The following TBC1D22A variants were observed in gnomAD, a reference collection of about 807,000 sequenced individuals.
The protein encoded by TBC1D22A is putative GTPase activator.
In TBC1D22A, 38 loss-of-function variants were observed where a neutral mutation model predicts 60.2. That is an observed-to-expected ratio of 0.63 (90% CI 0.49 to 0.83). The LOEUF (loss-of-function observed/expected upper bound fraction) is 0.83, where lower values mean the gene tolerates loss of function less well. Ranked by LOEUF, TBC1D22A falls within the 40% of genes least tolerant of loss-of-function variation. The pLI is 0.00. For missense variants in TBC1D22A, 628 were observed against 701.0 expected (o/e 0.90, Z 1.18); for synonymous variants, 302 against 281.7 (o/e 1.07, Z -0.72).
chr22:46,857,497 G>A (rs1351341227), intron 4 of TBC1D22A, among the ~76,000 whole-genome samples: 1 of 152,198 alleles, frequency 6.6e-6, no homozygotes, highest in Non-Finnish European at 1.5e-5. Context: ...CATCTTTACT[G>A]AGATGTAATT....
chr22:46,788,577 A>AC (rs371671374), intron 1 of TBC1D22A, among the ~76,000 whole-genome samples: 1,531 of 152,046 alleles, frequency 0.01, 23 homozygotes, highest in African/African-American at 0.035. Context: ...CCCCACTGGG[A>AC]CCCGCCTGTG....
At chr22:47,121,134 T>C (rs1279042784) in intron 12 of TBC1D22A, among the ~76,000 whole-genome samples, 1 of 152,248 alleles carries the variant, frequency 6.6e-6, no homozygotes, top group Non-Finnish European at 1.5e-5. Flanking sequence ...TATGTAGCTA[T>C]CCAGAAAATG....
At chr22:46,879,994 A>G (rs182197714) in intron 5 of TBC1D22A, among the ~76,000 whole-genome samples, 1 of 152,324 alleles carries the variant, frequency 6.6e-6, no homozygotes, top group East Asian at 1.9e-4. Context: ...TGTGGACAGG[A>G]GGGCAGGTGG....
At chr22:46,865,391 A>G (rs1160378910) in intron 4 of TBC1D22A, among the ~76,000 whole-genome samples, 1 of 152,198 alleles carries the variant, frequency 6.6e-6, no homozygotes, top group Admixed American at 6.5e-5. Flanking sequence ...TATTTTACAA[A>G]GTCATCTATG....
chr22:46,989,410 C>T (rs778732099), intron 9 of TBC1D22A, among the ~76,000 whole-genome samples: 2 of 152,008 alleles, frequency 1.3e-5, no homozygotes, highest in Non-Finnish European at 2.9e-5. Context: ...CCTCACCAAG[C>T]GTAATCTTTC....
chr22:46,816,623 G>A (rs2085612464), intron 4 of TBC1D22A, among the ~76,000 whole-genome samples: 1 of 152,202 alleles, frequency 6.6e-6, no homozygotes, highest in South Asian at 2.1e-4. Flanking sequence ...GAACAGTACA[G>A]GGAAGTTAGC....
At chr22:46,875,910 C>T (rs1436782456) in intron 4 of TBC1D22A, among the ~76,000 whole-genome samples, 3 of 152,150 alleles carry the variant, frequency 2.0e-5, no homozygotes, top group Non-Finnish European at 4.4e-5. Context: ...GTCTGACCTT[C>T]AGGAGCACAT....
chr22:46,945,743 A>G (rs561690023), intron 8 of TBC1D22A, among the ~76,000 whole-genome samples: 1 of 152,242 alleles, frequency 6.6e-6, no homozygotes, highest in East Asian at 1.9e-4. Flanking sequence ...CACTTTGCTG[A>G]TGCAATATTA....
intron 4 of TBC1D22A, among the ~76,000 whole-genome samples, chr22:46,845,482 C>T (rs2086949824): frequency 6.6e-6 from 1 of 152,092 alleles, no homozygotes; most frequent in Non-Finnish European, 1.5e-5. Flanking sequence ...TTTTTCCTTT[C>T]GGTTTTGAGG....
At chr22:47,007,245 G>T (rs1469526322) in intron 10 of TBC1D22A, among the ~76,000 whole-genome samples, 3 of 152,196 alleles carry the variant, frequency 2.0e-5, no homozygotes, top group African/African-American at 7.2e-5. Flanking sequence ...TCTGAATTGG[G>T]TTGGTAGTGT....
intron 5 of TBC1D22A, among the ~76,000 whole-genome samples, chr22:46,881,098 GC>G (rs906438345): frequency 6.6e-6 from 1 of 152,038 alleles, no homozygotes; most frequent in African/African-American, 2.4e-5. Flanking sequence ...GGGTAGAGGG[GC>G]CCAAGAGGAG....
chr22:47,153,425 A>G (rs1280647970), intron 12 of TBC1D22A, among the ~76,000 whole-genome samples: 31 of 151,976 alleles, frequency 2.0e-4, no homozygotes, highest in Non-Finnish European at 1.0e-4. Flanking sequence ...AGCCCCTGCC[A>G]TGGTGCTCCA....
chr22:46,961,151 C>A (rs2073484237), intron 8 of TBC1D22A, among the ~76,000 whole-genome samples: 1 of 152,004 alleles, frequency 6.6e-6, no homozygotes, highest in Admixed American at 6.6e-5. Flanking sequence ...ACTTTTTATC[C>A]TAGGCAGCTT....
At chr22:46,901,708 TG>T (rs11285556) in intron 7 of TBC1D22A, among the ~76,000 whole-genome samples, 108,083 of 151,776 alleles carry the variant, frequency 0.71, 38,564 homozygotes, top group Middle Eastern at 0.81. Context: ...ATAACTCACA[TG>T]GGGGGGGGAT....
At chr22:46,945,806 G>T (rs1218771874) in intron 8 of TBC1D22A, among the ~76,000 whole-genome samples, 1 of 152,166 alleles carries the variant, frequency 6.6e-6, no homozygotes, top group Non-Finnish European at 1.5e-5. Flanking sequence ...GTAGAGGCGG[G>T]TCGAGGCACA....
intron 11 of TBC1D22A, among the ~76,000 whole-genome samples, chr22:47,065,658 G>GACTTAGCAGGCCTCGGAGTT (rs60746562): frequency 2.7e-4 from 41 of 151,792 alleles, no homozygotes; most frequent in Admixed American, 4.6e-4. Flanking sequence ...TTGGATTGAG[G>GACTTAGCAGGCCTCGGAGTT]GAGACCTGCG....
intron 8 of TBC1D22A, among the ~76,000 whole-genome samples, chr22:46,939,718 G>A (rs921467089): frequency 6.6e-6 from 1 of 152,220 alleles, no homozygotes; most frequent in Non-Finnish European, 1.5e-5. Context: ...AAGAGACTAT[G>A]TTTTGACAAT....
intron 11 of TBC1D22A, among the ~76,000 whole-genome samples, chr22:47,044,463 C>T (rs115306542): frequency 6.7e-4 from 102 of 152,324 alleles, no homozygotes; most frequent in African/African-American, 2.3e-3. Context: ...GTGTGCCAGG[C>T]GACAGCCCTT....
At chr22:47,060,587 C>T (rs1406333618) in intron 11 of TBC1D22A, among the ~76,000 whole-genome samples, 3 of 152,168 alleles carry the variant, frequency 2.0e-5, no homozygotes, top group East Asian at 1.9e-4. Flanking sequence ...CCTGCCACCA[C>T]GCCCACCTAA....
Sources: allele counts gnomAD v4.1 joint callset (sites outside exome capture counted in the v4.1 genomes callset), GRCh38; gene constraint gnomAD v4.1.1; transcripts MANE v1.5; gene names NCBI Gene and HGNC (gene_info 2026-07-23, HGNC 2026-07-21).